Variants in GBE1 observed in about 807,000 individuals in gnomAD.
GBE1 encodes 1,4-alpha-glucan branching enzyme 1.
A neutral mutation model predicts 88.8 loss-of-function variants in GBE1; 70 were observed. The ratio of observed to expected loss-of-function variants is 0.79; its 90% CI spans 0.65 to 0.96. GBE1 has a LOEUF of 0.96. Ranked by LOEUF, GBE1 falls within the 40% of genes least tolerant of loss-of-function variation. GBE1 has a pLI of 0.00. For missense variants in GBE1, 872 were observed against 871.0 expected (o/e 1.00, Z -0.01); for synonymous variants, 284 against 300.1 (o/e 0.95, Z 0.56).
At chr3:81,743,628 T>C (rs1464990126) in intron 1 of GBE1, 27 of 1,533,894 alleles carry the variant, frequency 1.8e-5, no homozygotes, top group Non-Finnish European at 2.3e-5. Flanking sequence ...CCAAGTGAAA[T>C]TGGAACATCC....
chr3:81,685,954 C>T (rs946631263), intron 2 of GBE1, among the ~76,000 whole-genome samples: 5 of 152,140 alleles, frequency 3.3e-5, no homozygotes, highest in Non-Finnish European at 1.5e-5. Flanking sequence ...TGGCAAAGGT[C>T]ACCACAGACT....
chr3:81,645,361 G>T (rs981203009), intron 6 of GBE1, among the ~76,000 whole-genome samples: 17 of 152,102 alleles, frequency 1.1e-4, no homozygotes, highest in African/African-American at 3.9e-4. Context: ...TGGAAGCCAG[G>T]GAAAGAAAAA....
At chr3:81,713,750 CTACA>C (rs1354551552) in intron 1 of GBE1, among the ~76,000 whole-genome samples, 1 of 152,044 alleles carries the variant, frequency 6.6e-6, no homozygotes, top group African/African-American at 2.4e-5. Context: ...TTTCAAAATC[CTACA>C]TAAATTTTCA....
At chr3:81,564,488 G>A (rs1703465414) in intron 12 of GBE1, among the ~76,000 whole-genome samples, 1 of 152,092 alleles carries the variant, frequency 6.6e-6, no homozygotes, top group African/African-American at 2.4e-5. Context: ...AAGAATTAGA[G>A]ATAGTTAGGT....
At position 81,591,176 on chromosome 3, in the gene GBE1, A is replaced by G; in HGVS notation, c.1109-12T>C. On this transcript the variant is annotated splice_polypyrimidine_tract_variant and intron_variant, in intron 8 of 15. Coordinates refer to ENST00000429644, the MANE Select transcript of GBE1 (RefSeq NM_000158.4). ...TGAGAAACCTTGACCTTAGAAAAAG[A>G]AAATCAATACGGATATATTATGTTA... 2 of 1,585,198 alleles carry G rather than the reference A, an allele frequency of 1.3e-6. No homozygotes were observed. The highest frequency in any genetic ancestry group is 2.3e-5 in the South Asian group (2 of 87,172).
At chr3:81,681,252 G>GTAGC (rs371108072) in intron 2 of GBE1, among the ~76,000 whole-genome samples, 8 of 152,290 alleles carry the variant, frequency 5.3e-5, no homozygotes, top group African/African-American at 1.9e-4. Context: ...TATGTTTTCA[G>GTAGC]TAGCTAGCTA....
intron 1 of GBE1, chr3:81,743,708 A>T: frequency 1.1e-6 from 1 of 907,696 alleles, no homozygotes; most frequent in Non-Finnish European, 1.6e-6. Flanking sequence ...GAAAGACCAG[A>T]TTTACTTTGT....
intron 1 of GBE1, among the ~76,000 whole-genome samples, chr3:81,751,112 CA>C (rs1167017048): frequency 1.3e-5 from 2 of 149,586 alleles, no homozygotes; most frequent in Non-Finnish European, 1.5e-5. Context: ...GGCCCTCCGC[CA>C]AAAAAAAAGA....
chr3:81,548,918 T>C (rs917853826), intron 12 of GBE1, among the ~76,000 whole-genome samples: 1 of 151,288 alleles, frequency 6.6e-6, no homozygotes, highest in Non-Finnish European at 1.5e-5. Context: ...TCTTTTAACC[T>C]ACTTGCAGCT....
At chr3:81,650,682 T>C (rs189260239) in intron 3 of GBE1, among the ~76,000 whole-genome samples, 357 of 152,350 alleles carry the variant, frequency 2.3e-3, no homozygotes, top group African/African-American at 8.2e-3. Context: ...TTTTATTTTT[T>C]TGAGACAGGG....
intron 3 of GBE1, among the ~76,000 whole-genome samples, chr3:81,651,071 T>C (rs949357021): frequency 6.6e-6 from 1 of 152,248 alleles, no homozygotes. Context: ...AGCTATATTA[T>C]GTCCTCATCA....
rs1298676018 is a variant in GBE1, at chr3:81,733,200, T to C, written c.144-27587A>G. Among the ~76,000 whole-genome samples the C allele has an allele frequency of 1.3e-5, 2 of 152,078 alleles. No homozygotes were observed. The highest frequency in any genetic ancestry group is 2.9e-5 in the Non-Finnish European group (2 of 68,018). On this transcript the variant is annotated intron_variant, in intron 1 of 15. Transcript: ENST00000429644. This position sits in a 1 kb window ranked among gnomAD's most constrained non-coding sequence, Gnocchi z 4.0. ...TAACAGGGTTCACATAGAACCCTAC[T>C]GTGAACTGCACATGCAAGGGATCTA... is the stretch of plus-strand genomic sequence containing the variant.
intron 1 of GBE1, among the ~76,000 whole-genome samples, chr3:81,754,131 A>C (rs1706570974): frequency 6.6e-6 from 1 of 152,198 alleles, no homozygotes; most frequent in Non-Finnish European, 1.5e-5. Context: ...CAAAATCGAA[A>C]TATAAAAATC....
intron 15 of GBE1, among the ~76,000 whole-genome samples, chr3:81,498,545 ACAC>A (rs1702544860): frequency 6.6e-6 from 1 of 152,186 alleles, no homozygotes; most frequent in African/African-American, 2.4e-5. Flanking sequence ...ATTTGTGTGA[ACAC>A]CACAATGCAA....
At chr3:81,708,788 A>T (rs1289477001) in intron 1 of GBE1, among the ~76,000 whole-genome samples, 1 of 152,196 alleles carries the variant, frequency 6.6e-6, no homozygotes, top group African/African-American at 2.4e-5. Flanking sequence ...AACTAGGTGA[A>T]TAACTGTGGA....
intron 7 of GBE1, among the ~76,000 whole-genome samples, chr3:81,595,478 C>T (rs909891781): frequency 2.6e-5 from 4 of 151,582 alleles, no homozygotes; most frequent in Non-Finnish European, 4.4e-5. Flanking sequence ...AAGCATATAT[C>T]GATATTTTGT....
chr3:81,738,680 C>T (rs541185852), intron 1 of GBE1, among the ~76,000 whole-genome samples: 8 of 152,028 alleles, frequency 5.3e-5, no homozygotes, highest in Admixed American at 2.0e-4. Flanking sequence ...TTTTATTTTC[C>T]GTATCTCCTA....
intron 1 of GBE1, among the ~76,000 whole-genome samples, chr3:81,739,242 T>A (rs936668384): frequency 9.2e-5 from 14 of 152,080 alleles, no homozygotes; most frequent in African/African-American, 3.4e-4. Flanking sequence ...GTTAGGGAGC[T>A]AGGATTTGAA....
chr3:81,570,569 T>C (rs1349316335), intron 12 of GBE1, among the ~76,000 whole-genome samples: 1 of 152,196 alleles, frequency 6.6e-6, no homozygotes, highest in African/African-American at 2.4e-5. Flanking sequence ...CCTGCCTACT[T>C]TTTACTTCCT....
Sources: allele counts gnomAD v4.1 joint callset (sites outside exome capture counted in the v4.1 genomes callset), GRCh38; gene constraint gnomAD v4.1.1; non-coding constraint Gnocchi (gnomAD v3.1); transcripts MANE v1.5; gene names NCBI Gene and HGNC (gene_info 2026-07-23, HGNC 2026-07-21).